MORN4: variants seen among roughly 807,000 people sequenced by gnomAD.
MORN4 encodes MORN repeat-containing protein 4.
In MORN4, 8 loss-of-function variants were observed where a neutral mutation model predicts 16.4. That is an observed-to-expected ratio of 0.49 (90% CI 0.29 to 0.88). The LOEUF is 0.88. Among genes scored for constraint, MORN4 ranks in the 40% least tolerant of loss-of-function variants. MORN4 has a pLI of 0.09. For missense variants in MORN4, 159 were observed against 182.9 expected (o/e 0.87, Z 0.75); for synonymous variants, 53 against 68.9 (o/e 0.77, Z 1.14).
chr10:97,622,556 G>A (rs12762359), intron 1 of MORN4, among the ~76,000 whole-genome samples: 11 of 151,856 alleles, frequency 7.2e-5, no homozygotes, highest in African/African-American at 2.4e-4. Flanking sequence ...TTAGCCGGGT[G>A]TGGTGGTGCG....
rs552637866 is a variant in MORN4, at chr10:97,632,703, A to ATTTT, written c.-31+640_-31+643dup. Among the ~76,000 whole-genome samples the ATTTT allele has an allele frequency of 5.6e-4, 80 of 143,394 alleles. No individual in the cohort carries two copies. In the East Asian group the frequency reaches 7.3e-3, roughly 13 times the overall value. The allele number at this position is 143,394 out of a possible 152,430, so 94.1% of individuals were successfully genotyped here. ...GGAAGAAAATACTGGCGCCAAAAAGATTTTTTTTTTTTTTTATTTAAAGGC... is the reference window on the plus strand; with the variant it reads ...GGAAGAAAATACTGGCGCCAAAAAGATTTTTTTTTTTTTTTTTTTATTTAAAGGC... On this transcript the variant is annotated intron_variant, in intron 1 of 4. Coordinates refer to ENST00000307450, the MANE Select transcript of MORN4 (RefSeq NM_178832.4).
At chr10:97,626,233 C>T (rs1016206673) in intron 1 of MORN4, among the ~76,000 whole-genome samples, 1 of 151,628 alleles carries the variant, frequency 6.6e-6, no homozygotes, top group Non-Finnish European at 1.5e-5. Context: ...AAAAATTAGC[C>T]AGGCGTGGTG....
chr10:97,615,470 C>T lies in MORN4; in HGVS notation c.*793G>A, dbSNP rs1039518655. 4 of 152,204 alleles carry T rather than the reference C, an allele frequency of 2.6e-5. No homozygotes were observed. The highest frequency in any genetic ancestry group is 5.9e-5 in the Non-Finnish European group (4 of 68,070). 9.4% of individuals were successfully genotyped at this position (152,204 alleles called of 1,614,324 possible). On this transcript the variant is annotated 3_prime_UTR_variant, in exon 5 of 5. Transcript: ENST00000307450. Reference sequence around the variant, plus strand: ...GAGCGTGGTGGCTCACGCCTGTAATCCCAGCACTTTGGGAGACCAAGGCGG... The same window carrying T: ...GAGCGTGGTGGCTCACGCCTGTAATTCCAGCACTTTGGGAGACCAAGGCGG...
At chr10:97,616,895 G>A (rs2041241208) in intron 3 of MORN4, 108 bp from the exon 4 acceptor site, 3 of 784,768 alleles carry the variant, frequency 3.8e-6, no homozygotes, top group African/African-American at 1.7e-5. Flanking sequence ...GGAGCAAGCC[G>A]ATTCTACCAG....
rs2041239514 is a variant in MORN4, at chr10:97,616,730, A to G, written c.240T>C (p.Tyr80=). ...KFNGVGVFIR[Y]DNMTFEGEFK... is the part of the protein sequence containing the mutation. ...ATTCCCCCTCAAAGGTCATGTTGTCATATCGAATGAAGACTCCGACGCCAT... is the reference window on the plus strand; with the variant it reads ...ATTCCCCCTCAAAGGTCATGTTGTCGTATCGAATGAAGACTCCGACGCCAT... Residue 80 remains tyrosine (Y), a synonymous_variant, in exon 4 of 5, where the codon TAT becomes TAC. Transcript: ENST00000307450. 1 of 1,614,032 alleles carries G rather than the reference A, an allele frequency of 6.2e-7. No homozygotes were observed. Among genetic ancestry groups the G allele is most frequent in the South Asian group, 1.1e-5 (1 of 91,082 alleles).
chr10:97,629,257 C>G (rs1589924074), intron 1 of MORN4, among the ~76,000 whole-genome samples: 1 of 152,160 alleles, frequency 6.6e-6, no homozygotes, highest in East Asian at 1.9e-4. Context: ...TGTGGTGGCC[C>G]ATGCCTGTAA....
Position 97,617,094 on chromosome 10 carries a change from G to C in MORN4, c.182+114C>G, listed in dbSNP as rs562040777. On this transcript the variant is annotated intron_variant, in intron 3 of 4. Coordinates refer to ENST00000307450, the MANE Select transcript of MORN4 (RefSeq NM_178832.4). ...TAAAAGAACTACTTATTACTCATCT[G>C]TGTTCTGCAGGGAGTGAGACAAGGT... is the stretch of plus-strand genomic sequence containing the variant. 2.0e-5 allele frequency: 17 copies of C among 829,426 alleles called. 1 individual carries two copies. Among genetic ancestry groups the C allele is most frequent in the African/African-American group, 3.4e-5 (2 of 58,794 alleles). The allele number at this position is 829,426 out of a possible 1,614,324, so 51.4% of individuals were successfully genotyped here. A position where few individuals can be genotyped will look rare whatever the true frequency, so the allele number is the denominator to read the frequency against.
At chr10:97,624,901 A>T (rs959870359) in intron 1 of MORN4, among the ~76,000 whole-genome samples, 1 of 152,198 alleles carries the variant, frequency 6.6e-6, no homozygotes. Context: ...CATGTTGGTC[A>T]GGTGACCTCA....
At chr10:97,629,074 G>A (rs1222887451) in intron 1 of MORN4, among the ~76,000 whole-genome samples, 3 of 151,982 alleles carry the variant, frequency 2.0e-5, no homozygotes, top group Non-Finnish European at 4.4e-5. Context: ...TGACTGCTTG[G>A]ACCAAAAGAA....
intron 1 of MORN4, among the ~76,000 whole-genome samples, chr10:97,630,155 C>T (rs577054372): frequency 6.6e-6 from 1 of 152,082 alleles, no homozygotes; most frequent in Non-Finnish European, 1.5e-5. Context: ...TCTCGATCTC[C>T]TGACCTTGTG....
chr10:97,621,121 G>GAGAA (rs1227789580), intron 1 of MORN4, among the ~76,000 whole-genome samples: 1 of 132,646 alleles, frequency 7.5e-6, no homozygotes, highest in Non-Finnish European at 1.6e-5. Flanking sequence ...ACTCTGTCTC[G>GAGAA]AGAAATAAAT....
intron 1 of MORN4, among the ~76,000 whole-genome samples, chr10:97,626,389 AATAATAATCATAATC>A (rs765090989): frequency 0.075 from 7,534 of 100,146 alleles, 494 homozygotes; most frequent in African/African-American, 0.25. Context: ...AAATAATAAT[AATAATAATCATAATC>A]ATAATCATAA....
chr10:97,622,704 A>AAAAAAAAC (rs2041312047), intron 1 of MORN4, among the ~76,000 whole-genome samples: 1 of 151,196 alleles, frequency 6.6e-6, no homozygotes, highest in African/African-American at 2.4e-5. Context: ...AAAAAAAAAA[A>AAAAAAAAC]AAAAAACGGA....
At chr10:97,618,259 T>C (rs547693505) in intron 2 of MORN4, among the ~76,000 whole-genome samples, 2 of 78,520 alleles carry the variant, frequency 2.5e-5, no homozygotes, top group South Asian at 8.5e-4. Flanking sequence ...GCCTCTCTTC[T>C]TTTTTTTTTT....
intron 1 of MORN4, among the ~76,000 whole-genome samples, chr10:97,623,487 A>ACCCT (rs2041321667): frequency 6.6e-6 from 1 of 152,138 alleles, no homozygotes; most frequent in Non-Finnish European, 1.5e-5. Context: ...CTAGAGTCTG[A>ACCCT]CCCTCAGGCA....
intron 1 of MORN4, among the ~76,000 whole-genome samples, chr10:97,627,145 T>G (rs190283252): frequency 2.0e-5 from 3 of 152,162 alleles, no homozygotes; most frequent in Middle Eastern, 6.8e-3. Flanking sequence ...CACCTTTTTT[T>G]TTTTGTTTTT....
rs538863133 is a variant in MORN4 at position 97,627,687 on chromosome 10, A to C, written c.-31+5660T>G. Among the ~76,000 whole-genome samples the C allele has an allele frequency of 2.0e-5, 3 of 152,316 alleles. No individual in the cohort carries two copies. In the East Asian group the frequency reaches 5.8e-4, roughly 29 times the overall value. On this transcript the variant is annotated intron_variant, in intron 1 of 4. Coordinates refer to ENST00000307450, the MANE Select transcript of MORN4 (RefSeq NM_178832.4). ...CTAGAGATATTTGGGGGCCACTCCC[A>C]TAGGACTTTCTCCCTTCTTCAGTTA...
intron 1 of MORN4, among the ~76,000 whole-genome samples, chr10:97,622,584 A>G (rs1177091197): frequency 6.6e-6 from 1 of 150,744 alleles, no homozygotes; most frequent in Admixed American, 6.7e-5. Flanking sequence ...AGTCCCAGCT[A>G]CTTGGGAGGC....
intron 1 of MORN4, among the ~76,000 whole-genome samples, chr10:97,623,938 G>A (rs554103151): frequency 9.9e-4 from 151 of 152,054 alleles, no homozygotes; most frequent in Middle Eastern, 3.4e-3. Flanking sequence ...GAGTTTCACC[G>A]TGTTAGCCAG....
Sources: gnomAD v4.1 joint callset for allele counts (sites outside exome capture counted in the v4.1 genomes callset) on GRCh38, gnomAD v4.1.1 for gene constraint, MANE v1.5 for transcripts, NCBI Gene and HGNC (gene_info 2026-07-23, HGNC 2026-07-21) for gene names.